ZNF573: variants seen among roughly 807,000 people sequenced by gnomAD.
ZNF573 encodes zinc finger protein 573.
A neutral mutation model predicts 57.4 loss-of-function variants in ZNF573; 41 were observed. The observed-to-expected ratio is 0.71, with a 90% CI of 0.56 to 0.93. The LOEUF is 0.93. ZNF573 is among the 40% of genes least tolerant of loss of function. The pLI is 0.00. For synonymous variants in ZNF573, 249 were observed against 261.0 expected (o/e 0.95, Z 0.44); for missense variants, 730 against 794.8 (o/e 0.92, Z 0.98).
intron 4 of ZNF573, among the ~76,000 whole-genome samples, chr19:37,750,484 T>G (rs567005530): frequency 6.6e-6 from 1 of 152,160 alleles, no homozygotes; most frequent in East Asian, 1.9e-4. Flanking sequence ...TGATAAGAGA[T>G]AAAATATCAA....
At position 37,770,039 on chromosome 19, in the gene ZNF573, G is replaced by T. The variant is rs920139743; in HGVS notation, c.261C>A (p.Pro87=). The T allele has an allele frequency of 1.3e-6, 2 of 1,551,758 alleles. No individual in the cohort carries two copies. The highest frequency in any genetic ancestry group is 2.7e-5 in the African/African-American group (2 of 73,010). ...GTGTTTCTTCCCTCAAAATCATCCAGGGCTCTTTTCCTCGCTCCAGTAAAT... is the reference window on the plus strand; with the variant it reads ...GTGTTTCTTCCCTCAAAATCATCCATGGCTCTTTTCCTCGCTCCAGTAAAT... ...VVDLLERGKE[P]WMILREETQF... Residue 87 remains proline (P), a synonymous_variant, in exon 4 of 5, where the codon CCC becomes CCA. Coordinates refer to ENST00000536220, the MANE Select transcript of ZNF573 (RefSeq NM_001172690.2).
intron 4 of ZNF573, among the ~76,000 whole-genome samples, chr19:37,761,264 C>T (rs1873661186): frequency 6.6e-6 from 1 of 152,064 alleles, no homozygotes; most frequent in South Asian, 2.1e-4. Flanking sequence ...TGGTGGGGAT[C>T]AGGGGGTGTA....
intron 2 of ZNF573, 51 bp from the exon 3 acceptor site, chr19:37,771,747 A>T: frequency 3.2e-6 from 5 of 1,554,102 alleles, no homozygotes; most frequent in Non-Finnish European, 3.5e-6. Context: ...AGAAGGAAAG[A>T]TAGGAGATTA....
chr19:37,776,024 A>G lies in ZNF573; in HGVS notation c.-22-2273T>C, dbSNP rs144117581. Among the ~76,000 whole-genome samples, 40 of 152,280 alleles carry G rather than the reference A, an allele frequency of 2.6e-4. No individual in the cohort carries two copies. The East Asian group carries it at 5.6e-3, about 21-fold the overall frequency. ...GGAAGCACATCCCCCGCTCATGGAT[A>G]GGTAGAATCAGTATGGCGAAAATGA... On this transcript the variant is annotated intron_variant, in intron 1 of 4. Coordinates refer to ENST00000536220, the MANE Select transcript of ZNF573 (RefSeq NM_001172690.2).
rs776903031 is a variant in ZNF573, at chr19:37,738,839, C to T, written c.1651G>A (p.Glu551Lys). Residue 551 changes from glutamate (E) to lysine (K), a missense_variant, in exon 5 of 5, where the codon GAG becomes AAG. Glu to Lys is a moderately conservative substitution (Grantham distance 56). Transcript: ENST00000536220. ...LTLHQSIHTDEKPFECKECGK... is the reference protein window; with the variant it reads ...LTLHQSIHTDKKPFECKECGK... ...CATTCCTTACATTCAAAAGGTTTCTCATCAGTATGAATACTTTGATGTAGA... is the reference window on the plus strand; with the variant it reads ...CATTCCTTACATTCAAAAGGTTTCTTATCAGTATGAATACTTTGATGTAGA... 52 of 1,612,860 alleles carry T rather than the reference C, an allele frequency of 3.2e-5. No homozygotes were observed. Among genetic ancestry groups the T allele is most frequent in the Non-Finnish European group, 4.2e-5 (49 of 1,179,750 alleles).
intron 4 of ZNF573, among the ~76,000 whole-genome samples, chr19:37,756,763 G>A (rs532163365): frequency 6.6e-6 from 1 of 151,598 alleles, no homozygotes; most frequent in East Asian, 1.9e-4. Flanking sequence ...GTGATCTCCA[G>A]AATAATAAAA....
chr19:37,738,482 C>G lies in ZNF573; in HGVS notation c.*10G>C. The G allele has an allele frequency of 1.3e-6, 2 of 1,521,544 alleles. No homozygotes were observed. The highest frequency in any genetic ancestry group is 1.8e-6 in the Non-Finnish European group (2 of 1,138,020). The allele number at this position is 1,521,544 out of a possible 1,614,324, so 94.3% of individuals were successfully genotyped here. On this transcript the variant is annotated 3_prime_UTR_variant, in exon 5 of 5. Transcript: ENST00000536220. Reference sequence around the variant, plus strand: ...TGATGATGAATGGCGCGCTCGTACTCTTTACGGTCTTACACTTTTATGCTC... The same window carrying G: ...TGATGATGAATGGCGCGCTCGTACTGTTTACGGTCTTACACTTTTATGCTC...
At position 37,739,498 on chromosome 19, in the gene ZNF573, T is replaced by C. The variant is rs2045301583; in HGVS notation, c.992A>G (p.Glu331Gly). The change falls in exon 5 of 5, where the codon GAG (glutamate) becomes GGG (glycine). Residue 331 changes from glutamate (E) to glycine (G), a missense_variant. By Grantham distance (98) the Glu-to-Gly change is moderately conservative. Transcript: ENST00000536220. ...QRVHTGKKPY[E>G]CKECGKGYTT... ...ATAGCCCTTCCCACATTCTTTACAC[T>C]CATATGGCTTTTTACCAGTGTGAAC... The C allele has an allele frequency of 6.2e-7, 1 of 1,613,406 alleles. No individual in the cohort carries two copies.
intron 4 of ZNF573, among the ~76,000 whole-genome samples, chr19:37,768,635 T>C (rs1449313359): frequency 2.6e-5 from 4 of 152,272 alleles, no homozygotes; most frequent in African/African-American, 4.8e-5. Flanking sequence ...CACTGCCTAA[T>C]AGTAGTTGTT....
At chr19:37,774,187 G>A (rs2045686434) in intron 1 of ZNF573, among the ~76,000 whole-genome samples, 1 of 146,972 alleles carries the variant, frequency 6.8e-6, no homozygotes, top group Admixed American at 6.9e-5. Context: ...GCCCAGGCTG[G>A]AGTGCAGTGG....
intron 4 of ZNF573, among the ~76,000 whole-genome samples, chr19:37,743,247 G>T (rs1198294334): frequency 6.7e-6 from 1 of 148,820 alleles, no homozygotes; most frequent in Non-Finnish European, 1.5e-5. Flanking sequence ...TTGAACGCGG[G>T]AGGTAGAGGT....
Position 37,740,076 on chromosome 19 carries a change from T to C in ZNF573, c.414A>G (p.Lys138=). ...YKREKLYECK[K]CQKKFSSGYQ... ...AACCACTACTAAATTTCTTCTGACATTTCTTACATTCATAGAGTTTCTCTC... is the reference window on the plus strand; with the variant it reads ...AACCACTACTAAATTTCTTCTGACACTTCTTACATTCATAGAGTTTCTCTC... The change falls in exon 5 of 5, where the codon AAA becomes AAG. Residue 138 remains lysine (K), a synonymous_variant. Coordinates refer to ENST00000536220, the MANE Select transcript of ZNF573 (RefSeq NM_001172690.2). 6.2e-7 allele frequency: 1 copy of C among 1,614,122 alleles called. No homozygotes were observed. The highest frequency in any genetic ancestry group is 1.7e-5 in the Admixed American group (1 of 60,022).
At chr19:37,768,511 GCTTGTGAC>G (rs922665649) in intron 4 of ZNF573, among the ~76,000 whole-genome samples, 1 of 151,954 alleles carries the variant, frequency 6.6e-6, no homozygotes, top group Non-Finnish European at 1.5e-5. Flanking sequence ...TAAACACATG[GCTTGTGAC>G]CTTATACCAT....
At chr19:37,758,202 AAT>A (rs550290940) in intron 4 of ZNF573, among the ~76,000 whole-genome samples, 21 of 17,186 alleles carry the variant, frequency 1.2e-3, no homozygotes, top group Admixed American at 3.2e-3. Flanking sequence ...AGTATAATAA[AAT>A]ATATATATAT....
At chr19:37,757,734 C>T (rs974990212) in intron 4 of ZNF573, among the ~76,000 whole-genome samples, 14 of 152,128 alleles carry the variant, frequency 9.2e-5, no homozygotes, top group Non-Finnish European at 1.9e-4. Context: ...TATAAAGACA[C>T]ATGCACATGT....
Position 37,770,090 on chromosome 19 carries a change from A to G in ZNF573, c.210T>C (p.His70=), listed in dbSNP as rs1362303137. The stretch of plus-strand genomic sequence containing the variant: ...CAACCACAACTGGTTTAGAAATGGA[A>G]TGTCCTCCTTATAAGAAAAGAAATG... The part of the protein sequence containing the change: ...NYRNLVSLGG[H]SISKPVVVDL... The change falls in exon 4 of 5, where the codon CAT becomes CAC. Residue 70 remains histidine, a synonymous_variant. Transcript: ENST00000536220. The G allele has an allele frequency of 6.5e-7, 1 of 1,549,980 alleles. No individual in the cohort carries two copies. The highest frequency in any genetic ancestry group is 1.4e-5 in the African/African-American group (1 of 73,110).
At chr19:37,757,813 C>T (rs1373148387) in intron 4 of ZNF573, among the ~76,000 whole-genome samples, 1 of 151,986 alleles carries the variant, frequency 6.6e-6, no homozygotes, top group East Asian at 1.9e-4. Context: ...CAATGATAGA[C>T]TGGATTAAGA....
At chr19:37,752,512 CAT>C (rs541652997) in intron 4 of ZNF573, among the ~76,000 whole-genome samples, 297 of 152,300 alleles carry the variant, frequency 2.0e-3, no homozygotes, top group Non-Finnish European at 3.1e-3. Flanking sequence ...CAAAAGGCCA[CAT>C]GTTGCTTGAT....
chr19:37,771,513 G>A (rs2045658623), intron 3 of ZNF573, 51 bp downstream of exon 3: 4 of 1,575,996 alleles, frequency 2.5e-6, no homozygotes, highest in African/African-American at 2.7e-5. Context: ...TGTGTTGAAA[G>A]GTAACATATC....
Sources: gnomAD v4.1 joint callset for allele counts (sites outside exome capture counted in the v4.1 genomes callset) on GRCh38, gnomAD v4.1.1 for gene constraint, MANE v1.5 for transcripts, NCBI Gene and HGNC (gene_info 2026-07-23, HGNC 2026-07-21) for gene names.